The following EPHB1 variants were observed in gnomAD, a reference collection of about 807,000 sequenced individuals.
EPHB1 encodes EPH receptor B1, also known as ephrin type-B receptor 1.
Under a neutral mutation model 94.4 loss-of-function variants are expected in EPHB1, and 30 were observed. The ratio of observed to expected loss-of-function variants is 0.32; its 90% CI spans 0.24 to 0.43. EPHB1 has a LOEUF of 0.43. Ranked by LOEUF, EPHB1 falls within the 20% of genes least tolerant of loss-of-function variation. EPHB1 has a pLI of 1.00. For missense variants in EPHB1, 1,055 were observed against 1,308.3 expected (o/e 0.81, Z 2.99); for synonymous variants, 522 against 489.1 (o/e 1.07, Z -0.89).
intron 3 of EPHB1, among the ~76,000 whole-genome samples, chr3:135,017,794 G>T: frequency 6.6e-6 from 1 of 152,208 alleles, no homozygotes; most frequent in Non-Finnish European, 1.5e-5. Context: ...GGCTGAGTGT[G>T]TTGGGGTCAA....
intron 5 of EPHB1, among the ~76,000 whole-genome samples, chr3:135,144,698 T>A (rs998570885): frequency 7.9e-5 from 12 of 151,980 alleles, no homozygotes; most frequent in African/African-American, 2.9e-4. Context: ...CCTTAGTGGA[T>A]GGACCAGTGA....
At chr3:135,108,059 T>C (rs867221610) in intron 4 of EPHB1, among the ~76,000 whole-genome samples, 3 of 152,168 alleles carry the variant, frequency 2.0e-5, no homozygotes, top group Non-Finnish European at 2.9e-5. Flanking sequence ...CTAGTCTCCA[T>C]GATTGCCGAA....
At chr3:134,956,906 A>G (rs1933300436) in intron 3 of EPHB1, among the ~76,000 whole-genome samples, 1 of 152,164 alleles carries the variant, frequency 6.6e-6, no homozygotes, top group Non-Finnish European at 1.5e-5. Flanking sequence ...ACCTTCCTGC[A>G]TCTGCCCAGG....
intron 1 of EPHB1, among the ~76,000 whole-genome samples, chr3:134,854,352 C>T (rs1428208265): frequency 1.3e-5 from 2 of 152,190 alleles, no homozygotes; most frequent in African/African-American, 4.8e-5. Flanking sequence ...GATCTGTGTC[C>T]TGGTCTTAAT....
chr3:134,926,360 T>A (rs535242162), intron 2 of EPHB1, among the ~76,000 whole-genome samples: 38 of 152,316 alleles, frequency 2.5e-4, no homozygotes, highest in African/African-American at 8.7e-4. Flanking sequence ...GAGGAGCTCG[T>A]GGCCTCCTGT....
At chr3:135,092,671 G>C (rs1001605575) in intron 3 of EPHB1, among the ~76,000 whole-genome samples, 9 of 149,738 alleles carry the variant, frequency 6.0e-5, no homozygotes, top group Non-Finnish European at 1.2e-4. Flanking sequence ...TGTCACCCTG[G>C]CTGGAGTGCA....
At chr3:135,071,620 T>G (rs1450395510) in intron 3 of EPHB1, among the ~76,000 whole-genome samples, 1 of 152,182 alleles carries the variant, frequency 6.6e-6, no homozygotes, top group Non-Finnish European at 1.5e-5. Context: ...ACCATTTCCT[T>G]TGAAGTTCTG....
chr3:135,110,425 C>A (rs1432761909), intron 4 of EPHB1, among the ~76,000 whole-genome samples: 2 of 152,144 alleles, frequency 1.3e-5, no homozygotes, highest in Non-Finnish European at 2.9e-5. Context: ...CCCTGTCCTC[C>A]CTCCTGACTG....
intron 3 of EPHB1, among the ~76,000 whole-genome samples, chr3:135,047,459 C>T (rs577065701): frequency 1.9e-3 from 284 of 152,234 alleles, no homozygotes; most frequent in Non-Finnish European, 3.5e-3. Flanking sequence ...ATCTGCAGGT[C>T]TTCTTGTTAA....
At chr3:134,871,835 A>G (rs2037505706) in intron 1 of EPHB1, among the ~76,000 whole-genome samples, 1 of 152,204 alleles carries the variant, frequency 6.6e-6, no homozygotes, top group African/African-American at 2.4e-5. Flanking sequence ...ATAACACTGT[A>G]AGTGGCACTA....
intron 1 of EPHB1, among the ~76,000 whole-genome samples, chr3:134,885,153 G>A (rs1384865000): frequency 6.6e-6 from 1 of 152,222 alleles, no homozygotes; most frequent in Non-Finnish European, 1.5e-5. Flanking sequence ...CTAGAGATGA[G>A]CATCTGAGAT....
At chr3:134,894,254 C>G (rs1259727508) in intron 1 of EPHB1, among the ~76,000 whole-genome samples, 1 of 152,250 alleles carries the variant, frequency 6.6e-6, no homozygotes, top group Non-Finnish European at 1.5e-5. Flanking sequence ...CTGGATGTCC[C>G]CTTTTCACCA....
At chr3:135,032,218 A>G (rs893664243) in intron 3 of EPHB1, among the ~76,000 whole-genome samples, 1 of 151,164 alleles carries the variant, frequency 6.6e-6, no homozygotes, top group African/African-American at 2.4e-5. Flanking sequence ...TTAGTAAGAT[A>G]TGAGACTTCT....
intron 4 of EPHB1, among the ~76,000 whole-genome samples, chr3:135,120,970 T>C (rs1366709600): frequency 6.6e-6 from 1 of 152,206 alleles, no homozygotes; most frequent in African/African-American, 2.4e-5. Flanking sequence ...AGATAGGACT[T>C]CTGACCATAC....
At chr3:134,924,884 G>A (rs2038759468) in intron 1 of EPHB1, among the ~76,000 whole-genome samples, 1 of 152,216 alleles carries the variant, frequency 6.6e-6, no homozygotes, top group Non-Finnish European at 1.5e-5. Flanking sequence ...AAGCAGATGA[G>A]TCATTACCTG....
chr3:135,132,013 G>T (rs966819989), intron 4 of EPHB1, among the ~76,000 whole-genome samples: 6 of 152,076 alleles, frequency 3.9e-5, no homozygotes, highest in African/African-American at 1.4e-4. Flanking sequence ...GTCTTTGGGG[G>T]GAATAAATAA....
intron 9 of EPHB1, among the ~76,000 whole-genome samples, chr3:135,168,882 A>G (rs114275024): frequency 0.015 from 2,281 of 152,350 alleles, 27 homozygotes; most frequent in Middle Eastern, 0.027. Flanking sequence ...CTTCGAAGTC[A>G]AGAGATATCC....
intron 4 of EPHB1, among the ~76,000 whole-genome samples, chr3:135,113,900 A>C (rs533759469): frequency 1.1e-4 from 17 of 152,240 alleles, no homozygotes; most frequent in Non-Finnish European, 1.9e-4. Flanking sequence ...TAAGGCTCTT[A>C]AAATATAGCA....
chr3:135,183,228 C>T (rs910910630), intron 10 of EPHB1, among the ~76,000 whole-genome samples: 11 of 139,484 alleles, frequency 7.9e-5, no homozygotes, highest in Non-Finnish European at 1.7e-4. Context: ...CCCTCCCTCC[C>T]TTCCTCCCTC....
Sources: allele counts gnomAD v4.1 joint callset (sites outside exome capture counted in the v4.1 genomes callset), GRCh38; gene constraint gnomAD v4.1.1; transcripts MANE v1.5; gene names NCBI Gene and HGNC (gene_info 2026-07-23, HGNC 2026-07-21).